Variants in CELF2 observed in about 807,000 individuals in gnomAD.
CELF2 encodes the protein CUG triplet repeat RNA-binding protein 2.
Under a neutral mutation model 62.6 loss-of-function variants are expected in CELF2, and 8 were observed. That is an observed-to-expected ratio of 0.13 (90% CI 0.07 to 0.23). The LOEUF (loss-of-function observed/expected upper bound fraction) is 0.23, where lower values mean the gene tolerates loss of function less well. Among genes scored for constraint, CELF2 ranks in the 10% least tolerant of loss-of-function variants. The pLI, the probability that CELF2 is intolerant of heterozygous loss-of-function variation, is 1.00. For missense variants in CELF2, 333 were observed against 671.0 expected, an observed-to-expected ratio of 0.50 and a Z score of 5.56; for synonymous variants, 258 against 250.0, an observed-to-expected ratio of 1.03 and a Z score of -0.30.
intron 8 of CELF2, among the ~76,000 whole-genome samples, chr10:11,281,232 G>A (rs778729059): frequency 5.3e-5 from 8 of 152,098 alleles, no homozygotes; most frequent in African/African-American, 1.7e-4. Flanking sequence ...CATTTTGCAT[G>A]CACATCACAC....
intron 2 of CELF2, among the ~76,000 whole-genome samples, chr10:10,998,122 G>T (rs904306277): frequency 6.6e-6 from 1 of 152,190 alleles, no homozygotes; most frequent in South Asian, 2.1e-4. Context: ...CCTCAGCCAT[G>T]TGAAACTGTG....
intron 1 of CELF2, among the ~76,000 whole-genome samples, chr10:11,048,352 T>C (rs964163388): frequency 6.6e-6 from 1 of 152,212 alleles, no homozygotes; most frequent in African/African-American, 2.4e-5. Flanking sequence ...AGAATATGCA[T>C]TTTTAGCTTT....
rs2056669927 is a variant in CELF2 at position 11,012,720 on chromosome 10, G to C, written c.53+7280G>C. Reference sequence around the variant, plus strand: ...GTTGGGGAAAACATGTCGTCGGGGTGGGGGCAGTGAGGGGTGGACTGGGAA... The same window carrying C: ...GTTGGGGAAAACATGTCGTCGGGGTCGGGGCAGTGAGGGGTGGACTGGGAA... On this transcript the variant is annotated intron_variant, in intron 1 of 12. Coordinates refer to the CELF2 transcript ENST00000416382. This position sits in a 1 kb window ranked among gnomAD's most constrained non-coding sequence, Gnocchi z 5.5. 2.0e-5 allele frequency among the ~76,000 whole-genome samples: 3 copies of C among 152,148 alleles called. No homozygotes were observed. The South Asian group carries it at 6.2e-4, about 32-fold the overall frequency.
In CELF2 at chr10:11,227,809, G is replaced by A. The variant is rs754011598; in HGVS notation, c.354+10302G>A. ...CACGCATCAGGGACGAGGGTACCGA[G>A]TGAGAGCAAAGGATAGGCTCCTGCA... On this transcript the variant is annotated intron_variant, in intron 3 of 12. Coordinates refer to ENST00000633077, the MANE Select transcript of CELF2 (RefSeq NM_001326342.2). This position sits in a 1 kb window ranked among gnomAD's most constrained non-coding sequence, Gnocchi z 4.8. Among the ~76,000 whole-genome samples the A allele has an allele frequency of 1.3e-5, 2 of 152,186 alleles. No homozygotes were observed. The highest frequency in any genetic ancestry group is 4.8e-5 in the African/African-American group (2 of 41,448).
At chr10:11,083,336 C>T (rs2074533931) in intron 1 of CELF2, among the ~76,000 whole-genome samples, 1 of 152,158 alleles carries the variant, frequency 6.6e-6, no homozygotes, top group African/African-American at 2.4e-5. Context: ...TTCTTGACTG[C>T]TCTGTGAAAG....
chr10:11,197,026 A>AGGAAGGAAGG, intron 2 of CELF2, among the ~76,000 whole-genome samples: 1 of 1,610 alleles, frequency 6.2e-4, no homozygotes, highest in South Asian at 0.17. Context: ...GAAAGAAAGA[A>AGGAAGGAAGG]AAGAAAGAAA....
intron 2 of CELF2, among the ~76,000 whole-genome samples, chr10:11,188,554 T>G (rs2075576167): frequency 6.6e-6 from 1 of 152,236 alleles, no homozygotes. Context: ...CAGTCTGCTT[T>G]TAACATTTTC....
At chr10:10,704,970 C>A in the CELF2 span, among the ~76,000 whole-genome samples, 442 of 151,634 alleles carry the variant, frequency 2.9e-3, 2 homozygotes, top group African/African-American at 9.7e-3. Context: ...GGAAGGATCC[C>A]TTGAGGCCAG....
intron 2 of CELF2, among the ~76,000 whole-genome samples, chr10:11,205,901 G>A (rs1052361023): frequency 6.6e-5 from 10 of 152,140 alleles, no homozygotes; most frequent in African/African-American, 2.2e-4. Context: ...TCTACAATAA[G>A]TACAAATGTT....
At chr10:11,216,402 A>G (rs911043777) in intron 2 of CELF2, among the ~76,000 whole-genome samples, 1 of 152,192 alleles carries the variant, frequency 6.6e-6, no homozygotes, top group Non-Finnish European at 1.5e-5. Flanking sequence ...AATAAAATAC[A>G]TACAGTCTTG....
chr10:10,492,396 C>T, the CELF2 span, among the ~76,000 whole-genome samples: 1 of 152,156 alleles, frequency 6.6e-6, no homozygotes, highest in African/African-American at 2.4e-5. Flanking sequence ...ACCAACATGG[C>T]ACATAGATAT....
chr10:10,542,793 A>G, the CELF2 span, among the ~76,000 whole-genome samples: 10 of 152,228 alleles, frequency 6.6e-5, no homozygotes. Flanking sequence ...CTTCCTGGAT[A>G]ATAATACAAG....
rs2094244987 is a variant in CELF2, at chr10:11,306,772, T to C, written c.977-7367T>C. ...CTTTTCTTCACCGTCTCCCCAACTT[T>C]CTACTGGGACCGTCTAAGAACAGCG... On this transcript the variant is annotated intron_variant, in intron 9 of 12. Coordinates refer to ENST00000633077, the MANE Select transcript of CELF2 (RefSeq NM_001326342.2). This position sits in a 1 kb window ranked among gnomAD's most constrained non-coding sequence, Gnocchi z 4.4. 6.6e-6 allele frequency among the ~76,000 whole-genome samples: 1 copy of C among 152,150 alleles called. No homozygotes were observed. The highest frequency in any genetic ancestry group is 2.4e-5 in the African/African-American group (1 of 41,416).
At chr10:11,185,615 T>C (rs1349883964) in intron 2 of CELF2, among the ~76,000 whole-genome samples, 2 of 152,138 alleles carry the variant, frequency 1.3e-5, no homozygotes, top group Non-Finnish European at 2.9e-5. Context: ...GGTTTCTCCA[T>C]GTTGGTCAAG....
chr10:10,802,695 C>A (rs1345835702), intron 1 of CELF2, among the ~76,000 whole-genome samples: 1 of 152,134 alleles, frequency 6.6e-6, no homozygotes, highest in African/African-American at 2.4e-5. Context: ...CATTTAGAGA[C>A]AAGGGAATAG....
At position 11,110,860 on chromosome 10, in the gene CELF2, C is replaced by T. The variant is rs1296067697; in HGVS notation, c.75-54626C>T. Among the ~76,000 whole-genome samples, 1 of 152,168 alleles carries T rather than the reference C, an allele frequency of 6.6e-6. No individual in the cohort carries two copies. Among genetic ancestry groups the T allele is most frequent in the South Asian group, 2.1e-4 (1 of 4,822 alleles). On this transcript the variant is annotated intron_variant, in intron 1 of 12. Coordinates refer to ENST00000633077, the MANE Select transcript of CELF2 (RefSeq NM_001326342.2). The surrounding 1 kb of genome is among the most constrained non-coding windows in gnomAD (Gnocchi z 4.0). ...ATGCCCGAGAGCTTGGAAGCCTAGA[C>T]CCCCACTAACAAGGAGCAAAGCCCT...
the CELF2 span, chr10:10,776,477 G>T: frequency 6.5e-6 from 1 of 154,246 alleles, no homozygotes. Context: ...TTCCTTTCAA[G>T]CATGGAAAAA....
In CELF2 at chr10:11,302,530, CAAG is replaced by C. The variant is rs1190742758; in HGVS notation, c.977-11606_977-11604del. Among the ~76,000 whole-genome samples the C allele has an allele frequency of 6.6e-6, 1 of 152,164 alleles. No individual in the cohort carries two copies. The highest frequency in any genetic ancestry group is 1.5e-5 in the Non-Finnish European group (1 of 68,020). ...CAGGATTGGGCCCGCCTCCCCCAGA[CAAG>C]AACTCTGACCAAATGGCCTGCAGAG... On this transcript the variant is annotated intron_variant, in intron 9 of 12. Transcript: ENST00000633077. The surrounding 1 kb of genome is among the most constrained non-coding windows in gnomAD (Gnocchi z 5.0).
intron 2 of CELF2, among the ~76,000 whole-genome samples, chr10:10,941,719 C>T (rs535049136): frequency 2.9e-4 from 44 of 152,184 alleles, no homozygotes; most frequent in Admixed American, 9.8e-4. Flanking sequence ...GTTGACCAGG[C>T]GCAGTGGCTC....
Sources: allele counts gnomAD v4.1 joint callset (sites outside exome capture counted in the v4.1 genomes callset), GRCh38; gene constraint gnomAD v4.1.1; non-coding constraint Gnocchi (gnomAD v3.1); transcripts MANE v1.5; gene names NCBI Gene and HGNC (gene_info 2026-07-23, HGNC 2026-07-21).